The following CCDC158 variants were observed in gnomAD, a reference collection of about 807,000 sequenced individuals.
CCDC158 encodes the protein coiled-coil domain-containing protein 158.
Under a neutral mutation model 138.6 loss-of-function variants are expected in CCDC158, and 116 were observed. The observed-to-expected ratio is 0.84, with a 90% confidence interval of 0.72 to 0.98. The LOEUF is 0.98. Among genes scored for constraint, CCDC158 ranks in the 50% least tolerant of loss-of-function variants. The pLI is 0.00. For missense variants in CCDC158, 1,265 were observed against 1,306.1 expected (o/e 0.97, Z 0.48); for synonymous variants, 436 against 442.4 (o/e 0.99, Z 0.18).
At chr4:76,396,722 T>G (rs887673234) in intron 3 of CCDC158, among the ~76,000 whole-genome samples, 1 of 151,832 alleles carries the variant, frequency 6.6e-6, no homozygotes, top group Non-Finnish European at 1.5e-5. Flanking sequence ...ATGTTAGCCA[T>G]GGTGAAACCA....
chr4:76,391,983 T>G (rs1411746846), intron 4 of CCDC158, among the ~76,000 whole-genome samples: 1 of 151,514 alleles, frequency 6.6e-6, no homozygotes, highest in Admixed American at 6.6e-5. Flanking sequence ...ATCTAAAACC[T>G]GAACAAGTCC....
At chr4:76,349,658 ACTCTGT>A (rs1722874649) in intron 18 of CCDC158, among the ~76,000 whole-genome samples, 1 of 152,182 alleles carries the variant, frequency 6.6e-6, no homozygotes, top group Non-Finnish European at 1.5e-5. Flanking sequence ...ACAGAGCAAG[ACTCTGT>A]CTCAGGAAAA....
intron 3 of CCDC158, among the ~76,000 whole-genome samples, chr4:76,400,703 A>G (rs951105066): frequency 5.9e-5 from 9 of 152,156 alleles, no homozygotes; most frequent in East Asian, 1.9e-4. Flanking sequence ...GCAGCATCCA[A>G]TTGAGATAAG....
intron 3 of CCDC158, among the ~76,000 whole-genome samples, chr4:76,397,706 A>C (rs952843424): frequency 6.6e-6 from 1 of 152,232 alleles, no homozygotes; most frequent in Non-Finnish European, 1.5e-5. Context: ...GATAAGGAAG[A>C]ACTCTATGGT....
At chr4:76,355,256 T>C (rs1723430340) in intron 15 of CCDC158, 68 bp downstream of exon 15, 1 of 994,006 alleles carries the variant, frequency 1.0e-6, no homozygotes, top group East Asian at 2.4e-5. Flanking sequence ...CTGCTTCATC[T>C]TATTCTGCCT....
intron 24 of CCDC158, among the ~76,000 whole-genome samples, chr4:76,316,378 G>A (rs575575474): frequency 2.6e-5 from 4 of 152,156 alleles, no homozygotes; most frequent in African/African-American, 9.6e-5. Flanking sequence ...TGAAGACAAG[G>A]CTTTCAAATT....
chr4:76,342,355 G>A (rs1249134958), intron 18 of CCDC158, among the ~76,000 whole-genome samples: 1 of 152,092 alleles, frequency 6.6e-6, no homozygotes, highest in East Asian at 1.9e-4. Flanking sequence ...GTGTCTTTTT[G>A]CTGTGTAAAC....
chr4:76,345,250 C>A, intron 18 of CCDC158: 1 of 939,132 alleles, frequency 1.1e-6, no homozygotes, highest in Non-Finnish European at 1.8e-6. Flanking sequence ...CTGAAGCTAA[C>A]AGAGCTCCAA....
chr4:76,369,446 G>A lies in CCDC158; in HGVS notation c.1327C>T (p.Gln443Ter). ...ALLKALKSEC[Q>*]GQMERQMAAI... ...CTGACCTGCCGCTCCATCTGGCCCT[G>A]ACACTCGCTCTTCAAGGCCTTGAGC... Residue 443 changes from glutamine to a stop codon, truncating the protein, a stop_gained, in exon 11 of 25, where the codon CAG becomes TAG. Coordinates refer to ENST00000682701, the MANE Select transcript of CCDC158 (RefSeq NM_001394954.1). LOFTEE classifies it high-confidence loss of function. 6.2e-7 allele frequency: 1 copy of A among 1,614,140 alleles called. No individual in the cohort carries two copies. Among genetic ancestry groups the A allele is most frequent in the Non-Finnish European group, 8.5e-7 (1 of 1,180,030 alleles).
At chr4:76,408,872 C>T (rs368155655) in intron 2 of CCDC158, among the ~76,000 whole-genome samples, 12 of 152,108 alleles carry the variant, frequency 7.9e-5, no homozygotes, top group Admixed American at 5.9e-4. Flanking sequence ...TTTTAATGAT[C>T]GCCATTCTAA....
chr4:76,355,161 A>G (rs1364386315), intron 15 of CCDC158, among the ~76,000 whole-genome samples, 163 bp downstream of exon 15: 1 of 152,150 alleles, frequency 6.6e-6, no homozygotes, highest in African/African-American at 2.4e-5. Flanking sequence ...GTCTTTCAAC[A>G]TCCTGCTCAA....
intron 3 of CCDC158, among the ~76,000 whole-genome samples, chr4:76,400,237 AG>A (rs1716034717): frequency 6.6e-6 from 1 of 152,102 alleles, no homozygotes; most frequent in Non-Finnish European, 1.5e-5. Flanking sequence ...AAAAAGGATG[AG>A]TTCATGTCTT....
intron 13 of CCDC158, among the ~76,000 whole-genome samples, chr4:76,358,592 AT>A (rs1490342611): frequency 6.6e-6 from 1 of 152,120 alleles, no homozygotes; most frequent in African/African-American, 2.4e-5. Flanking sequence ...TCATGGCTTC[AT>A]GCATTTGCCC....
chr4:76,344,848 C>T, intron 18 of CCDC158: 2 of 1,589,034 alleles, frequency 1.3e-6, no homozygotes, highest in East Asian at 2.2e-5. Context: ...GGGTCTATGA[C>T]CAAAGAAGAA....
intron 6 of CCDC158, 147 bp downstream of exon 6, chr4:76,383,941 A>G (rs1047211606): frequency 2.8e-6 from 2 of 724,394 alleles, no homozygotes; most frequent in Non-Finnish European, 4.4e-6. Flanking sequence ...AGTTCCTATT[A>G]TGAGAGATTA....
At chr4:76,358,856 C>T (rs1400735172) in intron 13 of CCDC158, among the ~76,000 whole-genome samples, 3 of 152,296 alleles carry the variant, frequency 2.0e-5, no homozygotes, top group Admixed American at 2.0e-4. Flanking sequence ...CAGTGTCTTG[C>T]ATAGTAAATG....
At chr4:76,351,867 T>C in intron 16 of CCDC158, 55 bp from the exon 17 acceptor site, 1 of 1,084,750 alleles carries the variant, frequency 9.2e-7, no homozygotes, top group Non-Finnish European at 1.4e-6. Context: ...GCACTTATAT[T>C]TTATTAACCT....
chr4:76,331,292 A>G, intron 21 of CCDC158, 52 bp downstream of exon 21: 1 of 1,464,828 alleles, frequency 6.8e-7, no homozygotes, highest in South Asian at 1.1e-5. Flanking sequence ...TTGAATTAAT[A>G]ATGAACAGTC....
At chr4:76,421,314 G>T (rs566797823), upstream of CCDC158, among the ~76,000 whole-genome samples, 40 of 152,186 alleles carry the variant, frequency 2.6e-4, no homozygotes, top group Non-Finnish European at 4.0e-4. Context: ...GACTCCGCCC[G>T]CCGGACGCCG....
Sources: gnomAD v4.1 joint callset for allele counts (sites outside exome capture counted in the v4.1 genomes callset) on GRCh38, gnomAD v4.1.1 for gene constraint, MANE v1.5 for transcripts, NCBI Gene and HGNC (gene_info 2026-07-23, HGNC 2026-07-21) for gene names.